AKAP12: variants seen among roughly 807,000 people sequenced by gnomAD.
The protein encoded by AKAP12 is A-kinase anchoring protein 12.
A neutral mutation model predicts 79.9 loss-of-function variants in AKAP12; 32 were observed. That is an observed-to-expected ratio of 0.40 (90% CI 0.30 to 0.54). The LOEUF is 0.54. Among genes scored for constraint, AKAP12 ranks in the 20% least tolerant of loss-of-function variants. The pLI is 0.48. For synonymous variants in AKAP12, 808 were observed against 857.0 expected (o/e 0.94, Z 1.00); for missense variants, 2,074 against 2,177.0 (o/e 0.95, Z 0.94).
In AKAP12 at chr6:151,325,862, T is replaced by C. The variant is rs1777510764; in HGVS notation, c.319+19959T>C. The stretch of plus-strand genomic sequence containing the variant: ...CTGTACAGTAGTGCTACTTAAAATA[T>C]GCTGGGGACCATCACCATCACAGGT... On this transcript the variant is annotated intron_variant, in intron 3 of 4. Transcript: ENST00000402676. 3.1e-6 allele frequency: 5 copies of C among 1,614,200 alleles called. No individual in the cohort carries two copies. The East Asian group carries it at 1.1e-4, about 36-fold the overall frequency.
intron 2 of AKAP12, among the ~76,000 whole-genome samples, chr6:151,289,198 C>A (rs1049552741): frequency 2.0e-5 from 3 of 152,166 alleles, no homozygotes; most frequent in African/African-American, 7.2e-5. Flanking sequence ...ACAGTCACTG[C>A]CCTTCTCCGA....
chr6:151,291,676 A>G (rs776537233), intron 2 of AKAP12, among the ~76,000 whole-genome samples: 3 of 152,356 alleles, frequency 2.0e-5, no homozygotes, highest in East Asian at 1.9e-4. Context: ...TAATTTTGCT[A>G]TTAAGCATCC....
chr6:151,335,710 C>T (rs959153898), intron 3 of AKAP12, among the ~76,000 whole-genome samples: 5 of 152,062 alleles, frequency 3.3e-5, no homozygotes, highest in Non-Finnish European at 5.9e-5. Flanking sequence ...GACCCCAAAG[C>T]GATCCTCCTG....
intron 4 of AKAP12, among the ~76,000 whole-genome samples, chr6:151,355,000 T>C (rs1214815035): frequency 6.6e-6 from 1 of 151,894 alleles, no homozygotes. Context: ...TTTCTTTTGT[T>C]TTGTTTTGTT....
intron 3 of AKAP12, among the ~76,000 whole-genome samples, chr6:151,328,691 CTT>C (rs1777597281): frequency 6.6e-6 from 1 of 151,490 alleles, no homozygotes; most frequent in Non-Finnish European, 1.5e-5. Context: ...TCTTAAAGGT[CTT>C]TGCATCTTTG....
intron 3 of AKAP12, among the ~76,000 whole-genome samples, chr6:151,326,582 T>C (rs1421089020): frequency 6.6e-6 from 1 of 152,150 alleles, no homozygotes; most frequent in East Asian, 1.9e-4. Flanking sequence ...TAATATTTAC[T>C]GCCTACTTCT....
intron 3 of AKAP12, chr6:151,325,476 TCA>T: frequency 1.1e-5 from 11 of 985,246 alleles, no homozygotes; most frequent in Non-Finnish European, 1.3e-5. Context: ...CGCTGACCAC[TCA>T]CAGAGCCCAG....
At chr6:151,262,044 G>A (rs1231299058) in intron 2 of AKAP12, among the ~76,000 whole-genome samples, 7 of 152,094 alleles carry the variant, frequency 4.6e-5, no homozygotes, top group Admixed American at 4.6e-4. Context: ...CCGCCTCCCA[G>A]GTTCAAGAGA....
intron 4 of AKAP12, 108 bp downstream of exon 4, chr6:151,353,860 T>G (rs1396586129): frequency 1.4e-6 from 1 of 705,080 alleles, no homozygotes; most frequent in African/African-American, 1.8e-5. Flanking sequence ...GTGTAGAACC[T>G]TCAGTTGAGG....
chr6:151,304,723 T>G (rs1363910623), intron 2 of AKAP12, among the ~76,000 whole-genome samples: 1 of 151,590 alleles, frequency 6.6e-6, no homozygotes, highest in African/African-American at 2.4e-5. Context: ...ACTACAGGCA[T>G]GCACCACCAT....
chr6:151,293,578 C>T (rs911568413), intron 2 of AKAP12, among the ~76,000 whole-genome samples: 1 of 152,156 alleles, frequency 6.6e-6, no homozygotes, highest in African/African-American at 2.4e-5. Flanking sequence ...CAGGTCATGA[C>T]ACTGGACTAT....
intron 2 of AKAP12, among the ~76,000 whole-genome samples, chr6:151,299,490 T>C (rs1776808457): frequency 6.6e-6 from 1 of 152,166 alleles, no homozygotes; most frequent in Admixed American, 6.6e-5. Flanking sequence ...TGTTCCAGAC[T>C]TTAAAAAAAA....
rs147861334 is a variant in AKAP12 at position 151,265,011 on chromosome 6, C to T, written c.162+24287C>T. Among the ~76,000 whole-genome samples the T allele has an allele frequency of 7.2e-3, 1,099 of 151,922 alleles. 12 individuals carry two copies. The highest frequency in any genetic ancestry group is 0.025 in the African/African-American group (1,046 of 41,412). Reference sequence around the variant, plus strand: ...ACAAAAAGACAAAAAATTAGCCGGGCATGATGGTGGGTGCCTATAATCCCA... The same window carrying T: ...ACAAAAAGACAAAAAATTAGCCGGGTATGATGGTGGGTGCCTATAATCCCA... On this transcript the variant is annotated intron_variant, in intron 2 of 4. Coordinates refer to ENST00000402676, the MANE Select transcript of AKAP12 (RefSeq NM_005100.4).
chr6:151,343,287 T>G (rs1777999508), intron 3 of AKAP12, among the ~76,000 whole-genome samples: 1 of 152,118 alleles, frequency 6.6e-6, no homozygotes, highest in Non-Finnish European at 1.5e-5. Flanking sequence ...TCCAGGGAGG[T>G]TGATGAGTGT....
intron 2 of AKAP12, among the ~76,000 whole-genome samples, chr6:151,291,446 C>G (rs1236412517): frequency 1.3e-5 from 2 of 152,112 alleles, no homozygotes; most frequent in African/African-American, 4.8e-5. Context: ...GGATCATTAC[C>G]AGCTAAGAAG....
intron 2 of AKAP12, among the ~76,000 whole-genome samples, chr6:151,288,406 A>G (rs1056036440): frequency 9.2e-5 from 14 of 152,072 alleles, no homozygotes; most frequent in Admixed American, 5.2e-4. Flanking sequence ...AATTTTAGCT[A>G]CTCAGGAGGC....
At chr6:151,259,079 C>G (rs192408649) in intron 2 of AKAP12, among the ~76,000 whole-genome samples, 1 of 151,420 alleles carries the variant, frequency 6.6e-6, no homozygotes, top group Non-Finnish European at 1.5e-5. Context: ...GAGTCTTGCT[C>G]TGTCACCCAG....
At chr6:151,312,448 C>T (rs1397724948) in intron 3 of AKAP12, among the ~76,000 whole-genome samples, 3 of 151,794 alleles carry the variant, frequency 2.0e-5, no homozygotes, top group Non-Finnish European at 4.4e-5. Context: ...ACTGTACCAG[C>T]CTGGGCAACA....
Position 151,349,515 on chromosome 6 carries a change from A to G in AKAP12, c.1124A>G (p.Glu375Gly), listed in dbSNP as rs770710382. 49 of 1,610,382 alleles carry G rather than the reference A, an allele frequency of 3.0e-5. No individual in the cohort carries two copies. The highest frequency in any genetic ancestry group is 4.2e-5 in the Non-Finnish European group (49 of 1,179,040). Residue 375 changes from glutamate (E) to glycine (G), a missense_variant, in exon 4 of 5, where the codon GAG becomes GGG. Physicochemically the swap from Glu to Gly is moderately conservative, Grantham distance 98 (BLOSUM62 -2). Coordinates refer to ENST00000402676, the MANE Select transcript of AKAP12 (RefSeq NM_005100.4). ...GAGCCCCGGTTATCAGCTGAATATGAGAAAGTTGAGCTGCCCTCAGAGGAG... is the reference window on the plus strand; with the variant it reads ...GAGCCCCGGTTATCAGCTGAATATGGGAAAGTTGAGCTGCCCTCAGAGGAG... ...AHEPRLSAEY[E>G]KVELPSEEQV...
Sources: allele counts gnomAD v4.1 joint callset (sites outside exome capture counted in the v4.1 genomes callset), GRCh38; gene constraint gnomAD v4.1.1; transcripts MANE v1.5; gene names NCBI Gene and HGNC (gene_info 2026-07-23, HGNC 2026-07-21).